Variants in LPA observed in about 807,000 individuals in gnomAD.
The protein encoded by LPA is apolipoprotein(a).
A neutral mutation model predicts 197.9 loss-of-function variants in LPA; 199 were observed. The ratio of observed to expected loss-of-function variants is 1.01; its 90% CI spans 0.90 to 1.13. The LOEUF is 1.13. Ranked by LOEUF, LPA falls within the 50% of genes most tolerant of loss-of-function variation. LPA has a pLI of 0.00. For missense variants in LPA, 1,853 were observed against 1,785.8 expected, an observed-to-expected ratio of 1.04 and a Z score of -0.68; for synonymous variants, 715 against 639.5, an observed-to-expected ratio of 1.12 and a Z score of -1.78.
chr6:160,576,396 A>ATATATACATATATATATATATATATGTG lies in LPA; in HGVS notation c.4631+739_4631+740insCACATATATATATATATATATGTATATA, dbSNP rs1562328007. On this transcript the variant is annotated intron_variant, in intron 28 of 38. Coordinates refer to ENST00000316300, the MANE Select transcript of LPA (RefSeq NM_005577.4). The stretch of plus-strand genomic sequence containing the variant: ...TATATATATATATATATATGTATAT[A>ATATATACATATATATATATATATATGTG]TATATATATATATATATATGGGTAT... Among the ~76,000 whole-genome samples the ATATATACATATATATATATATATATGTG allele has an allele frequency of 9.4e-4, 44 of 46,912 alleles. 1 individual carries two copies. Among genetic ancestry groups the ATATATACATATATATATATATATATGTG allele is most frequent in the South Asian group, 8.6e-3 (11 of 1,274 alleles). 30.8% of individuals were successfully genotyped at this position (46,912 alleles called of 152,430 possible). A position where few individuals can be genotyped will look rare whatever the true frequency, so the allele number is the denominator to read the frequency against.
chr6:160,595,355 T>G lies in LPA; in HGVS notation c.3468A>C (p.Glu1156Asp), dbSNP rs371330216. The change falls in exon 21 of 39, where the codon GAA becomes GAC. Residue 1156 changes from glutamate (E) to aspartate (D), a missense_variant and splice_region_variant. By Grantham distance (45) the Glu-to-Asp change is conservative (BLOSUM62 2). Transcript: ENST00000316300. Reference protein sequence around the residue: ...PDPSTEASSEEAPTEQSPGVQ... With the variant: ...PDPSTEASSEDAPTEQSPGVQ... ...GTTGTCTGGCCATAGACTTCCTACC[T>G]TCTTCAGAAGAAGCCTCTGTGCTTG... The G allele has an allele frequency of 6.2e-7, 1 of 1,612,160 alleles. No individual in the cohort carries two copies. Among genetic ancestry groups the G allele is most frequent in the South Asian group, 1.1e-5 (1 of 91,084 alleles).
chr6:160,648,529 G>A (rs549962793), intron 2 of LPA, among the ~76,000 whole-genome samples: 1 of 151,894 alleles, frequency 6.6e-6, no homozygotes, highest in African/African-American at 2.4e-5. Context: ...GTGTGGCTCG[G>A]TTGATTTCAT....
chr6:160,556,259 G>A (rs1377595920), intron 29 of LPA, 75 bp from the exon 30 acceptor site: 13 of 1,410,002 alleles, frequency 9.2e-6, no homozygotes, highest in Non-Finnish European at 1.3e-5. Flanking sequence ...ACACAAACAG[G>A]ACAGTAGTTT....
At chr6:160,579,224 T>G (rs1562329212) in intron 26 of LPA, among the ~76,000 whole-genome samples, 1 of 152,120 alleles carries the variant, frequency 6.6e-6, no homozygotes, top group Non-Finnish European at 1.5e-5. Context: ...CTCTATTTAC[T>G]CATAGTGTAG....
rs1466622816 is a variant in LPA, at chr6:160,594,078, T to C, written c.3509A>G (p.His1170Arg). The C allele has an allele frequency of 1.9e-6, 3 of 1,613,834 alleles. No homozygotes were observed. Among genetic ancestry groups the C allele is most frequent in the Non-Finnish European group, 2.5e-6 (3 of 1,179,872 alleles). Residue 1170 changes from histidine to arginine, a missense_variant, in exon 22 of 39, where the codon CAT (histidine) becomes CGT (arginine). By Grantham distance (29) the His-to-Arg change is conservative. Transcript: ENST00000316300. ...GCCTCGATAACTCTGTCCATCACCA[T>C]GGTAGCAATCCTGGACCCCGGGGCT... ...EQSPGVQDCYHGDGQSYRGSF... is the reference protein window; with the variant it reads ...EQSPGVQDCYRGDGQSYRGSF...
At chr6:160,598,922 C>T (rs1779182217) in intron 20 of LPA, among the ~76,000 whole-genome samples, 1 of 152,116 alleles carries the variant, frequency 6.6e-6, no homozygotes, top group Non-Finnish European at 1.5e-5. Flanking sequence ...AACCCTCAGC[C>T]GATGTTGTAG....
intron 18 of LPA, among the ~76,000 whole-genome samples, chr6:160,603,292 GTATGTGTGTA>G (rs967299699): frequency 7.9e-5 from 12 of 151,592 alleles, no homozygotes; most frequent in Non-Finnish European, 1.5e-4. Flanking sequence ...GCATGTGTGA[GTATGTGTGTA>G]TATGTGTGTG....
intron 2 of LPA, among the ~76,000 whole-genome samples, chr6:160,647,277 A>G (rs192969332): frequency 2.6e-5 from 4 of 152,278 alleles, no homozygotes; most frequent in East Asian, 1.9e-4. Flanking sequence ...ATGAATTAGG[A>G]GGCAAAGCAG....
chr6:160,536,019 A>C lies in LPA; in HGVS notation c.5842+1836T>G, dbSNP rs547966041. ...TGGGTATTAGTGGGGTCTTGCCTTC[A>C]CCTCCAACATGGAACAATTGGTGCA... On this transcript the variant is annotated intron_variant, in intron 37 of 38. Coordinates refer to ENST00000316300, the MANE Select transcript of LPA (RefSeq NM_005577.4). Among the ~76,000 whole-genome samples, 13 of 152,216 alleles carry C rather than the reference A, an allele frequency of 8.5e-5. No homozygotes were observed. In the South Asian group the frequency reaches 2.7e-3, roughly 32 times the overall value.
chr6:160,648,556 A>ATG (rs561730484), intron 2 of LPA, among the ~76,000 whole-genome samples: 6 of 150,242 alleles, frequency 4.0e-5, no homozygotes, highest in African/African-American at 9.8e-5. Flanking sequence ...GCATTTGTGG[A>ATG]TGTGTGTGTG....
rs148683149 is a variant in LPA, at chr6:160,585,266, T to C, written c.4130-61A>G. On this transcript the variant is annotated intron_variant, in intron 25 of 38. Coordinates refer to ENST00000316300, the MANE Select transcript of LPA (RefSeq NM_005577.4). ...CTAGAAAAGGGAAATGTGAAAAAAATTATGACACACAAAGTGGAATAATCT... is the reference window on the plus strand; with the variant it reads ...CTAGAAAAGGGAAATGTGAAAAAAACTATGACACACAAAGTGGAATAATCT... 2,912 of 1,521,710 alleles carry C rather than the reference T, an allele frequency of 1.9e-3. 2 individuals carry two copies. The highest frequency in any genetic ancestry group is 2.5e-3 in the Non-Finnish European group (2,762 of 1,095,986). 94.3% of individuals were successfully genotyped at this position (1,521,710 alleles called of 1,614,324 possible). A position where few individuals can be genotyped will look rare whatever the true frequency, so the allele number is the denominator to read the frequency against.
At chr6:160,597,069 T>G (rs896406969) in intron 20 of LPA, among the ~76,000 whole-genome samples, 10 of 152,228 alleles carry the variant, frequency 6.6e-5, no homozygotes, top group African/African-American at 2.4e-4. Flanking sequence ...TTCTTTTAAA[T>G]CTATGGAGAC....
chr6:160,646,638 C>T (rs1252776288), intron 2 of LPA, among the ~76,000 whole-genome samples: 53 of 117,224 alleles, frequency 4.5e-4, no homozygotes, highest in African/African-American at 1.8e-3. Context: ...GCAAACGCTT[C>T]TTAGAAACAC....
intron 20 of LPA, among the ~76,000 whole-genome samples, 184 bp from the exon 21 acceptor site, chr6:160,595,719 T>G (rs1253440608): frequency 6.6e-6 from 1 of 152,214 alleles, no homozygotes; most frequent in African/African-American, 2.4e-5. Context: ...AAAGACAAAT[T>G]ATCATTCATA....
intron 29 of LPA, 37 bp downstream of exon 29, chr6:160,557,353 G>C: frequency 6.2e-7 from 1 of 1,609,388 alleles, no homozygotes; most frequent in Non-Finnish European, 8.5e-7. Context: ...TCATCCCAAT[G>C]TTCAAATGTG....
At chr6:160,584,232 T>TC (rs1201213575) in intron 26 of LPA, among the ~76,000 whole-genome samples, 16 of 88,278 alleles carry the variant, frequency 1.8e-4, no homozygotes, top group Non-Finnish European at 2.8e-4. Context: ...TTCTTCTTCT[T>TC]CTTCTTCCTC....
intron 26 of LPA, among the ~76,000 whole-genome samples, chr6:160,580,295 A>C (rs1192307474): frequency 6.6e-6 from 1 of 152,110 alleles, no homozygotes; most frequent in African/African-American, 2.4e-5. Flanking sequence ...CCATTTAAAT[A>C]GTTTTCATTT....
chr6:160,634,836 A>C (rs1264209276), intron 7 of LPA, among the ~76,000 whole-genome samples: 1 of 150,264 alleles, frequency 6.7e-6, no homozygotes, highest in Non-Finnish European at 1.5e-5. Context: ...TTACAATAAA[A>C]ATTTTGGCTA....
At chr6:160,556,222 AT>A (rs1170721751) in intron 29 of LPA, 38 bp from the exon 30 acceptor site, 2 of 1,602,896 alleles carry the variant, frequency 1.2e-6, no homozygotes, top group African/African-American at 2.7e-5. Flanking sequence ...AACTACTAGT[AT>A]GCAGAAACAT....
Sources: gnomAD v4.1 joint callset for allele counts (sites outside exome capture counted in the v4.1 genomes callset) on GRCh38, gnomAD v4.1.1 for gene constraint, MANE v1.5 for transcripts, NCBI Gene and HGNC (gene_info 2026-07-23, HGNC 2026-07-21) for gene names.